Variants in TLL2 observed in about 807,000 individuals in gnomAD.
The protein encoded by TLL2 is tolloid-like protein 2.
Under a neutral mutation model 123.0 loss-of-function variants are expected in TLL2, and 106 were observed. That is an observed-to-expected ratio of 0.86 (90% CI 0.74 to 1.01). TLL2 has a LOEUF of 1.01. Among genes scored for constraint, TLL2 ranks in the 50% least tolerant of loss-of-function variants. The pLI, the probability that TLL2 is intolerant of heterozygous loss-of-function variation, is 0.00. For synonymous variants in TLL2, 494 were observed against 516.8 expected, an observed-to-expected ratio of 0.96 and a Z score of 0.60; for missense variants, 1,332 against 1,336.7, an observed-to-expected ratio of 1.00 and a Z score of 0.06.
At position 96,467,005 on chromosome 10, in the gene TLL2, A is replaced by G. The variant is rs551575378; in HGVS notation, c.286+13344T>C. On this transcript the variant is annotated intron_variant, in intron 2 of 20. Coordinates refer to ENST00000357947, the MANE Select transcript of TLL2 (RefSeq NM_012465.4). ...CCCTAAGAATGGTGGCACTGGTTTT[A>G]TAAAAAATTAGTTTAGTTCATTATC... Among the ~76,000 whole-genome samples the G allele has an allele frequency of 7.2e-5, 11 of 152,332 alleles. No homozygotes were observed. The East Asian group carries it at 2.1e-3, about 29-fold the overall frequency.
At chr10:96,480,139 A>G (rs1211020981) in intron 2 of TLL2, among the ~76,000 whole-genome samples, 2 of 152,212 alleles carry the variant, frequency 1.3e-5, no homozygotes, top group South Asian at 2.1e-4. Flanking sequence ...AAAGAGGCAA[A>G]TGGAGATTTT....
At chr10:96,498,979 A>G (rs139424676) in intron 1 of TLL2, among the ~76,000 whole-genome samples, 11 of 152,358 alleles carry the variant, frequency 7.2e-5, no homozygotes, top group African/African-American at 2.4e-4. Flanking sequence ...TGAGATACCA[A>G]TATATTGCCT....
At chr10:96,422,209 T>A (rs1296641742) in intron 6 of TLL2, among the ~76,000 whole-genome samples, 1 of 135,510 alleles carries the variant, frequency 7.4e-6, no homozygotes, top group Non-Finnish European at 1.6e-5. Flanking sequence ...AGGAGAACTC[T>A]TTTTTTTTTT....
intron 3 of TLL2, among the ~76,000 whole-genome samples, chr10:96,439,440 C>T (rs952328393): frequency 6.6e-6 from 1 of 152,056 alleles, no homozygotes; most frequent in Admixed American, 6.5e-5. Context: ...GTCTCTCTCT[C>T]TCTCTGCCTT....
chr10:96,434,722 C>T (rs954653497), intron 3 of TLL2, among the ~76,000 whole-genome samples: 2 of 152,148 alleles, frequency 1.3e-5, no homozygotes, highest in Non-Finnish European at 2.9e-5. Flanking sequence ...ATTGCTGGGT[C>T]ATATGGTAAC....
rs772066119 is a variant in TLL2, at chr10:96,395,339, C to T, written c.1574G>A (p.Arg525Gln). The T allele has an allele frequency of 3.2e-5, 51 of 1,611,880 alleles. No individual in the cohort carries two copies. The highest frequency in any genetic ancestry group is 1.8e-4 in the South Asian group (16 of 90,516). Residue 525 changes from arginine to glutamine, a missense_variant, in exon 13 of 21, where the codon CGG (arginine) becomes CAG (glutamine). Transcript: ENST00000357947. ...DSCAYDYLEV[R>Q]DGPTEESALI... ...GGCACTCTCTTCCGTGGGGCCATCC[C>T]GGACTTCCAGGTAGTCATATGCACA...
chr10:96,432,564 A>G (rs1846754980), intron 4 of TLL2, among the ~76,000 whole-genome samples: 1 of 152,004 alleles, frequency 6.6e-6, no homozygotes, highest in African/African-American at 2.4e-5. Flanking sequence ...CTTCCAGGTC[A>G]CTCCCCACAT....
chr10:96,502,954 T>C (rs1193836197), intron 1 of TLL2, among the ~76,000 whole-genome samples: 1 of 152,122 alleles, frequency 6.6e-6, no homozygotes, highest in Non-Finnish European at 1.5e-5. Context: ...CAGAAGTGGT[T>C]AGAGGTGGCG....
intron 1 of TLL2, among the ~76,000 whole-genome samples, chr10:96,499,863 T>G (rs1220027306): frequency 5.3e-5 from 8 of 152,044 alleles, no homozygotes; most frequent in Admixed American, 2.0e-4. Context: ...TCAAAATTAC[T>G]GAAAAAAATA....
At chr10:96,430,294 C>T (rs563252722) in intron 4 of TLL2, among the ~76,000 whole-genome samples, 2 of 152,300 alleles carry the variant, frequency 1.3e-5, no homozygotes, top group African/African-American at 4.8e-5. Context: ...CCACCTCTCT[C>T]TTGCTCCCTC....
At chr10:96,392,776 G>A (rs764430507) in intron 13 of TLL2, among the ~76,000 whole-genome samples, 6 of 152,216 alleles carry the variant, frequency 3.9e-5, no homozygotes, top group Non-Finnish European at 7.3e-5. Flanking sequence ...TTACCTTAAT[G>A]TAAGATTCTG....
intron 3 of TLL2, among the ~76,000 whole-genome samples, chr10:96,442,376 G>A (rs11817668): frequency 0.039 from 5,879 of 152,250 alleles, 372 homozygotes; most frequent in African/African-American, 0.13. Context: ...TTGACACAAC[G>A]TGTCTTATCT....
At chr10:96,391,475 G>A (rs1846287446) in intron 13 of TLL2, among the ~76,000 whole-genome samples, 1 of 152,168 alleles carries the variant, frequency 6.6e-6, no homozygotes, top group Non-Finnish European at 1.5e-5. Context: ...AAACACTAAG[G>A]AAAAATTCCA....
intron 4 of TLL2, among the ~76,000 whole-genome samples, chr10:96,431,102 A>G (rs1217187599): frequency 6.6e-6 from 1 of 152,248 alleles, no homozygotes; most frequent in Non-Finnish European, 1.5e-5. Flanking sequence ...TGAAAGTAAT[A>G]TAAATCTTTG....
At chr10:96,425,984 G>A (rs1258492234) in intron 5 of TLL2, among the ~76,000 whole-genome samples, 1 of 151,970 alleles carries the variant, frequency 6.6e-6, no homozygotes, top group Non-Finnish European at 1.5e-5. Context: ...TTGGCTTTTG[G>A]TTGGAAGTTA....
At chr10:96,416,431 G>A (rs1238870932) in intron 7 of TLL2, among the ~76,000 whole-genome samples, 1 of 152,136 alleles carries the variant, frequency 6.6e-6, no homozygotes, top group African/African-American at 2.4e-5. Context: ...AACACCCTAG[G>A]AGTCAGGTGC....
chr10:96,376,685 G>C lies in TLL2; in HGVS notation c.2448+7C>G. On this transcript the variant is annotated splice_region_variant and intron_variant, in intron 18 of 20. Coordinates refer to ENST00000357947, the MANE Select transcript of TLL2 (RefSeq NM_012465.4). ...CACATTCTCAATAAACTACAAAAAT[G>C]ACTCACGAGTTTCACTCTGTGGCCT... The C allele has an allele frequency of 6.2e-7, 1 of 1,609,350 alleles. No individual in the cohort carries two copies. The highest frequency in any genetic ancestry group is 1.7e-4 in the Middle Eastern group (1 of 6,046).
intron 1 of TLL2, among the ~76,000 whole-genome samples, chr10:96,492,541 T>G (rs1847425122): frequency 6.6e-6 from 1 of 152,154 alleles, no homozygotes; most frequent in Non-Finnish European, 1.5e-5. Flanking sequence ...GTAAAATTGC[T>G]TGAACCCAGG....
intron 2 of TLL2, among the ~76,000 whole-genome samples, chr10:96,476,191 A>G (rs6584078): frequency 0.75 from 97,243 of 129,720 alleles, 37,094 homozygotes; most frequent in Middle Eastern, 0.87. Context: ...GGAAAAGAGG[A>G]TAAAGGTGTG....
Sources: allele counts gnomAD v4.1 joint callset (sites outside exome capture counted in the v4.1 genomes callset), GRCh38; gene constraint gnomAD v4.1.1; transcripts MANE v1.5; gene names NCBI Gene and HGNC (gene_info 2026-07-23, HGNC 2026-07-21).